The following CDH12 variants were observed in gnomAD, a reference collection of about 807,000 sequenced individuals.
CDH12 encodes cadherin-12.
A neutral mutation model predicts 74.1 loss-of-function variants in CDH12; 41 were observed. The observed-to-expected ratio is 0.55, with a 90% CI of 0.43 to 0.72. CDH12 has a LOEUF of 0.72. Among genes scored for constraint, CDH12 ranks in the 30% least tolerant of loss-of-function variants. The probability of loss-of-function intolerance (pLI) is 0.00; values close to 1 mark genes in which losing one functional copy is unlikely to be tolerated. For synonymous variants in CDH12, 399 were observed against 355.0 expected (o/e 1.12, Z -1.39); for missense variants, 945 against 977.2 (o/e 0.97, Z 0.44).
At chr5:22,815,832 A>G (rs904467722) in intron 1 of CDH12, among the ~76,000 whole-genome samples, 1 of 151,734 alleles carries the variant, frequency 6.6e-6, no homozygotes, top group African/African-American at 2.4e-5. Context: ...ACTACCGGTG[A>G]AAGAGAGCCT....
At chr5:22,733,367 C>G (rs1020253956) in intron 1 of CDH12, among the ~76,000 whole-genome samples, 1 of 150,766 alleles carries the variant, frequency 6.6e-6, no homozygotes, top group African/African-American at 2.4e-5. Context: ...AAAAAAGGAG[C>G]AAAATTCAAA....
chr5:22,622,865 A>C (rs1252372315), intron 1 of CDH12, among the ~76,000 whole-genome samples: 1 of 152,108 alleles, frequency 6.6e-6, no homozygotes, highest in African/African-American at 2.4e-5. Flanking sequence ...GAGGCACAAC[A>C]AAAAAAGAGA....
intron 4 of CDH12, among the ~76,000 whole-genome samples, chr5:22,170,867 T>C (rs1291192497): frequency 6.6e-6 from 1 of 151,818 alleles, no homozygotes; most frequent in Non-Finnish European, 1.5e-5. Flanking sequence ...ATTTTACTTA[T>C]TTTGTCCATA....
chr5:22,777,531 T>C (rs535809648), intron 1 of CDH12, among the ~76,000 whole-genome samples: 146 of 152,204 alleles, frequency 9.6e-4, no homozygotes, highest in African/African-American at 3.4e-3. Context: ...TTAAAATTAC[T>C]AGGATCCTTG....
intron 4 of CDH12, among the ~76,000 whole-genome samples, chr5:22,129,223 T>C (rs2150284938): frequency 6.6e-6 from 1 of 152,308 alleles, no homozygotes; most frequent in Non-Finnish European, 1.5e-5. Context: ...ATTTTGTGAC[T>C]TGTGTGACGG....
chr5:22,355,058 C>A (rs1740504381), intron 3 of CDH12, among the ~76,000 whole-genome samples: 1 of 152,104 alleles, frequency 6.6e-6, no homozygotes, highest in East Asian at 1.9e-4. Context: ...TGCTGTTTAT[C>A]ATGGCCATAA....
intron 6 of CDH12, among the ~76,000 whole-genome samples, chr5:21,965,650 G>A: frequency 6.6e-6 from 1 of 151,002 alleles, no homozygotes; most frequent in African/African-American, 2.4e-5. Context: ...TGAAAATAGT[G>A]CCAACCTGTG....
intron 3 of CDH12, among the ~76,000 whole-genome samples, chr5:22,398,273 G>T (rs576517745): frequency 5.9e-5 from 9 of 152,080 alleles, no homozygotes; most frequent in Non-Finnish European, 1.2e-4. Flanking sequence ...TTAGCAGGAG[G>T]TAAGGATATA....
chr5:22,794,524 A>G (rs1000962592), intron 1 of CDH12, among the ~76,000 whole-genome samples: 1 of 152,198 alleles, frequency 6.6e-6, no homozygotes, highest in Non-Finnish European at 1.5e-5. Context: ...GACATGAGAA[A>G]GCTGTTCAGT....
At chr5:21,921,308 G>A (rs1392977461) in intron 6 of CDH12, among the ~76,000 whole-genome samples, 1 of 152,000 alleles carries the variant, frequency 6.6e-6, no homozygotes, top group African/African-American at 2.4e-5. Context: ...CTATATACTT[G>A]TCATAGTGTC....
At chr5:22,698,923 T>C (rs1203385037) in intron 1 of CDH12, among the ~76,000 whole-genome samples, 1 of 151,748 alleles carries the variant, frequency 6.6e-6, no homozygotes, top group Non-Finnish European at 1.5e-5. Flanking sequence ...GTAGTTGTGA[T>C]ACCAATATTT....
In CDH12 at chr5:21,751,936, G is replaced by T; in HGVS notation, c.2186C>A (p.Thr729Asn). The T allele has an allele frequency of 6.2e-7, 1 of 1,614,008 alleles. No homozygotes were observed. The change falls in exon 15 of 15, where the codon ACT becomes AAT. Residue 729 changes from threonine to asparagine, a missense_variant. This residue lies in a region of CDH12 where 791 missense variants were observed against 792.8 expected (regional missense o/e 1.00). Coordinates refer to ENST00000382254, the MANE Select transcript of CDH12 (RefSeq NM_004061.5). Reference sequence around the variant, plus strand: ...GGCCAGTGAATCGTATGGTGGGGCAGTTGGATCCACATCATTTTCCTGTAG... The same window carrying T: ...GGCCAGTGAATCGTATGGTGGGGCATTTGGATCCACATCATTTTCCTGTAG... ...QRLQENDVDP[T>N]APPYDSLATY...
At chr5:22,705,716 T>C (rs1350719545) in intron 1 of CDH12, among the ~76,000 whole-genome samples, 1 of 152,102 alleles carries the variant, frequency 6.6e-6, no homozygotes, top group Non-Finnish European at 1.5e-5. Context: ...TAATTACATT[T>C]TTTTTCCTTT....
intron 4 of CDH12, among the ~76,000 whole-genome samples, chr5:22,194,187 A>T (rs1750472126): frequency 6.6e-6 from 1 of 152,180 alleles, no homozygotes; most frequent in Non-Finnish European, 1.5e-5. Context: ...AATAGGGGTT[A>T]ACAGAGATGG....
intron 3 of CDH12, among the ~76,000 whole-genome samples, chr5:22,240,552 G>T (rs188169097): frequency 6.6e-6 from 1 of 152,272 alleles, no homozygotes; most frequent in African/African-American, 2.4e-5. Flanking sequence ...TACTTATTTA[G>T]AGACAGAATC....
At chr5:22,202,147 T>TTTCCTTCCTTCCTTCCTTCCTTCCTTCC (rs1331513726) in intron 4 of CDH12, among the ~76,000 whole-genome samples, 1 of 41,062 alleles carries the variant, frequency 2.4e-5, no homozygotes, top group Admixed American at 2.2e-4. Context: ...CCCTCCCTAC[T>TTTCCTTCCTTCCTTCCTTCCTTCCTTCC]TTCCTTCCTT....
intron 3 of CDH12, among the ~76,000 whole-genome samples, chr5:22,291,500 C>T (rs181660740): frequency 2.4e-4 from 36 of 152,052 alleles, no homozygotes; most frequent in African/African-American, 5.5e-4. Context: ...TTAGTATTTC[C>T]GTAAAGTTGC....
chr5:22,498,504 G>T (rs1452269631), intron 2 of CDH12, among the ~76,000 whole-genome samples: 2 of 151,808 alleles, frequency 1.3e-5, no homozygotes, highest in Non-Finnish European at 2.9e-5. Context: ...ATAAACTAGG[G>T]ATAAAATTAT....
intron 2 of CDH12, among the ~76,000 whole-genome samples, chr5:22,445,565 A>G (rs1744785425): frequency 6.6e-6 from 1 of 152,134 alleles, no homozygotes; most frequent in Non-Finnish European, 1.5e-5. Flanking sequence ...TAAATAATAT[A>G]CCTAGTCCTG....
Sources: allele counts gnomAD v4.1 joint callset (sites outside exome capture counted in the v4.1 genomes callset), GRCh38; gene constraint gnomAD v4.1.1; regional missense constraint gnomAD v4.1.1; transcripts MANE v1.5; gene names NCBI Gene and HGNC (gene_info 2026-07-23, HGNC 2026-07-21).